NR2C1: variants seen among roughly 807,000 people sequenced by gnomAD.
NR2C1 encodes nuclear receptor subfamily 2 group C member 1, also known as TR2 nuclear hormone receptor.
NR2C1 carries 33 observed loss-of-function variants against 74.8 expected under a neutral mutation model. The observed-to-expected ratio is 0.44, with a 90% CI of 0.33 to 0.59. The LOEUF (loss-of-function observed/expected upper bound fraction) is 0.59. Among genes scored for constraint, NR2C1 ranks in the 20% least tolerant of loss-of-function variants. The pLI is 0.02. For synonymous variants in NR2C1, 225 were observed against 240.6 expected (o/e 0.94, Z 0.60); for missense variants, 568 against 715.6 (o/e 0.79, Z 2.35).
At position 95,058,410 on chromosome 12, in the gene NR2C1, T is replaced by C; in HGVS notation, c.444A>G (p.Ser148=). The change falls in exon 5 of 14, where the codon TCA becomes TCG. Residue 148 remains serine (S), a synonymous_variant. Transcript: ENST00000333003. ...KRSIRKNLVY[S]CRGSKDCIIN... The stretch of plus-strand genomic sequence containing the variant: ...TAATACAATCCTTTGATCCTCGACA[T>C]GAATATACTAAATTTTTTCGGATGC... 3 of 1,613,754 alleles carry C rather than the reference T, an allele frequency of 1.9e-6. No individual in the cohort carries two copies. Among genetic ancestry groups the C allele is most frequent in the South Asian group, 1.1e-5 (1 of 91,064 alleles).
At chr12:95,048,971 C>A (rs2136148984) in intron 9 of NR2C1, 97 bp downstream of exon 9, 1 of 1,135,494 alleles carries the variant, frequency 8.8e-7, no homozygotes, top group Non-Finnish European at 1.3e-6. Flanking sequence ...AGGGATATTT[C>A]TGACTTTAAA....
At chr12:95,068,283 G>A (rs958174570) in intron 1 of NR2C1, among the ~76,000 whole-genome samples, 1 of 152,054 alleles carries the variant, frequency 6.6e-6, no homozygotes, top group Non-Finnish European at 1.5e-5. Context: ...ACACTCTAAT[G>A]AACTAATTTT....
intron 13 of NR2C1, 136 bp downstream of exon 13, chr12:95,025,014 G>A (rs1302432108): frequency 3.9e-6 from 2 of 512,708 alleles, no homozygotes; most frequent in Non-Finnish European, 3.4e-6. Context: ...ATGCAATACT[G>A]CTTTTTATAG....
At position 95,031,330 on chromosome 12, in the gene NR2C1, T is replaced by A; in HGVS notation, c.1393+19A>T. The A allele has an allele frequency of 6.4e-7, 1 of 1,558,972 alleles. No individual in the cohort carries two copies. The highest frequency in any genetic ancestry group is 8.6e-7 in the Non-Finnish European group (1 of 1,157,494). The stretch of plus-strand genomic sequence containing the variant: ...GCCTCCTCCTACAACCTGGAAAAGG[T>A]AAGGAAGGTGCTTTTTACCTTGTTG... On this transcript the variant is annotated intron_variant, in intron 11 of 13. Transcript: ENST00000333003.
intron 13 of NR2C1, 46 bp from the exon 14 acceptor site, chr12:95,022,449 GA>G: frequency 6.9e-7 from 1 of 1,458,690 alleles, no homozygotes; most frequent in African/African-American, 1.4e-5. Context: ...TTGTAAACCA[GA>G]AAGAAATTTA....
intron 7 of NR2C1, among the ~76,000 whole-genome samples, chr12:95,053,727 A>G (rs1873399271): frequency 1.6e-5 from 2 of 124,610 alleles, no homozygotes; most frequent in Non-Finnish European, 3.1e-5. Flanking sequence ...CTCTGTCGCC[A>G]GGCTGGAGTG....
chr12:95,066,876 T>G (rs1247231704), intron 2 of NR2C1: 1 of 156,178 alleles, frequency 6.4e-6, no homozygotes, highest in African/African-American at 2.4e-5. Context: ...TTCTCTGAAG[T>G]GTCCCCAGAT....
intron 11 of NR2C1, among the ~76,000 whole-genome samples, 167 bp downstream of exon 11, chr12:95,031,182 G>A (rs890481690): frequency 7.0e-4 from 107 of 151,872 alleles, no homozygotes; most frequent in African/African-American, 2.5e-3. Context: ...AATATTTTTA[G>A]AGGATTAGTA....
At chr12:95,031,642 C>T (rs1176968804) in intron 10 of NR2C1, among the ~76,000 whole-genome samples, 154 bp from the exon 11 acceptor site, 1 of 152,054 alleles carries the variant, frequency 6.6e-6, no homozygotes, top group East Asian at 1.9e-4. Context: ...TAGCTGATAA[C>T]AAAATGAGAA....
rs561528540 is a variant in NR2C1 at position 95,041,311 on chromosome 12, C to A, written c.1132-714G>T. 7.2e-5 allele frequency among the ~76,000 whole-genome samples: 11 copies of A among 152,092 alleles called. No individual in the cohort carries two copies. In the South Asian group the frequency reaches 2.1e-3, roughly 29 times the overall value. ...GACCATCCCGGTCAACATGGTTAAA[C>A]CTCATCTTTACTAAAATACCAAAAA... On this transcript the variant is annotated intron_variant, in intron 9 of 13. Transcript: ENST00000333003.
At chr12:95,040,447 A>G (rs1288141686) in intron 10 of NR2C1, 29 bp downstream of exon 10, 2 of 1,581,088 alleles carry the variant, frequency 1.3e-6, no homozygotes, top group Non-Finnish European at 1.7e-6. Context: ...ACAAAATCAC[A>G]TTTATATTCA....
At chr12:95,033,439 C>T (rs1426402279) in intron 10 of NR2C1, among the ~76,000 whole-genome samples, 1 of 152,080 alleles carries the variant, frequency 6.6e-6, no homozygotes, top group Non-Finnish European at 1.5e-5. Context: ...AACAAACAAA[C>T]ACAAAAACCA....
intron 7 of NR2C1, among the ~76,000 whole-genome samples, chr12:95,056,747 A>G (rs772449302): frequency 3.2e-4 from 49 of 152,296 alleles, no homozygotes; most frequent in Admixed American, 7.2e-4. Context: ...TCACGAGGTC[A>G]GGCGATCGAG....
At chr12:95,053,679 G>GGGT in intron 7 of NR2C1, among the ~76,000 whole-genome samples, 1 of 122,968 alleles carries the variant, frequency 8.1e-6, no homozygotes, top group Non-Finnish European at 1.8e-5. Context: ...TTTCTTTTTG[G>GGGT]TGTTTTTTTT....
chr12:95,046,152 AAAT>A (rs1872283449), intron 9 of NR2C1, among the ~76,000 whole-genome samples: 3 of 152,140 alleles, frequency 2.0e-5, no homozygotes, highest in African/African-American at 7.2e-5. Flanking sequence ...TAAAAATCTT[AAAT>A]ATTACTACTG....
At position 95,058,516 on chromosome 12, in the gene NR2C1, TAA is replaced by T. The variant is rs754416639; in HGVS notation, c.365-29_365-28del. On this transcript the variant is annotated intron_variant, in intron 4 of 13. Transcript: ENST00000333003. ...TAGAGAGAAAATGTTTAAGAAAATA[TAA>T]AAGTCACATTATTTCAGAACAGAAA... 31 of 1,569,684 alleles carry T rather than the reference TAA, an allele frequency of 2.0e-5. 1 individual carries two copies. In the Middle Eastern group the frequency reaches 3.5e-3, roughly 180 times the overall value.
chr12:95,029,137 C>A (rs894412095), intron 11 of NR2C1, among the ~76,000 whole-genome samples: 2 of 152,090 alleles, frequency 1.3e-5, no homozygotes, highest in African/African-American at 2.4e-5. Flanking sequence ...GGCTGGAGTG[C>A]AGTGGTGCGA....
chr12:95,051,345 T>C (rs555541570), intron 8 of NR2C1, among the ~76,000 whole-genome samples: 9 of 152,136 alleles, frequency 5.9e-5, no homozygotes, highest in Non-Finnish European at 1.2e-4. Flanking sequence ...ATCTTTTCTG[T>C]ATACGCCCAG....
At chr12:95,068,702 T>C (rs1029315942) in intron 1 of NR2C1, among the ~76,000 whole-genome samples, 1 of 150,430 alleles carries the variant, frequency 6.6e-6, no homozygotes, top group Admixed American at 6.6e-5. Context: ...GCTGAGGCAG[T>C]AGAATTACTT....
Sources: allele counts gnomAD v4.1 joint callset (sites outside exome capture counted in the v4.1 genomes callset), GRCh38; gene constraint gnomAD v4.1.1; transcripts MANE v1.5; gene names NCBI Gene and HGNC (gene_info 2026-07-23, HGNC 2026-07-21).